Variants in NRG3 observed in about 807,000 individuals in gnomAD.
NRG3 encodes pro-neuregulin-3, membrane-bound isoform.
In NRG3, 31 loss-of-function variants were observed where a neutral mutation model predicts 66.9. The ratio of observed to expected loss-of-function variants is 0.46; its 90% CI spans 0.35 to 0.63. The LOEUF is 0.63. Ranked by LOEUF, NRG3 falls within the 20% of genes least tolerant of loss-of-function variation. The pLI is 0.00. For synonymous variants in NRG3, 393 were observed against 359.4 expected, an observed-to-expected ratio of 1.09 and a Z score of -1.06; for missense variants, 910 against 878.9, an observed-to-expected ratio of 1.04 and a Z score of -0.45.
At chr10:82,020,159 A>G (rs904148452) in intron 1 of NRG3, among the ~76,000 whole-genome samples, 1 of 152,168 alleles carries the variant, frequency 6.6e-6, no homozygotes, top group Admixed American at 6.6e-5. Context: ...CCAGGTTTAT[A>G]GGAAAAAGTT....
intron 2 of NRG3, among the ~76,000 whole-genome samples, chr10:82,552,612 T>C (rs889474198): frequency 3.3e-5 from 5 of 152,152 alleles, no homozygotes; most frequent in African/African-American, 9.7e-5. Flanking sequence ...AAAGTTCTCT[T>C]AGCTAGATGA....
chr10:82,098,346 AT>A (rs1294086876), intron 1 of NRG3, among the ~76,000 whole-genome samples: 3 of 151,792 alleles, frequency 2.0e-5, no homozygotes, highest in African/African-American at 7.3e-5. Context: ...ATATATATAG[AT>A]GACATCTATA....
At chr10:82,388,191 A>C (rs932305015) in intron 2 of NRG3, among the ~76,000 whole-genome samples, 3 of 150,756 alleles carry the variant, frequency 2.0e-5, no homozygotes, top group Non-Finnish European at 4.4e-5. Context: ...TCATTAAAAA[A>C]CATTATGGGA....
intron 1 of NRG3, among the ~76,000 whole-genome samples, chr10:81,902,674 C>A (rs761340934): frequency 6.6e-6 from 1 of 152,128 alleles, no homozygotes; most frequent in Non-Finnish European, 1.5e-5. Flanking sequence ...TTTGTTATAG[C>A]ATCCTGCACT....
At chr10:82,487,089 T>G (rs1466161686) in intron 2 of NRG3, among the ~76,000 whole-genome samples, 1 of 148,462 alleles carries the variant, frequency 6.7e-6, no homozygotes, top group Non-Finnish European at 1.5e-5. Flanking sequence ...TAATACACTA[T>G]ATATATCTAT....
chr10:82,314,461 T>A (rs866499089), intron 1 of NRG3, among the ~76,000 whole-genome samples: 132 of 149,692 alleles, frequency 8.8e-4, no homozygotes, highest in Middle Eastern at 6.9e-3. Flanking sequence ...ATTTAAAATT[T>A]AAAAAAAAAA....
At chr10:82,248,599 G>A (rs1329759803) in intron 1 of NRG3, among the ~76,000 whole-genome samples, 5 of 152,072 alleles carry the variant, frequency 3.3e-5, no homozygotes, top group Non-Finnish European at 7.4e-5. Flanking sequence ...TGAATGGGAG[G>A]GGTCAATATG....
At chr10:81,971,210 C>T (rs1421264963) in intron 1 of NRG3, among the ~76,000 whole-genome samples, 1 of 152,200 alleles carries the variant, frequency 6.6e-6, no homozygotes, top group Non-Finnish European at 1.5e-5. Flanking sequence ...GCTTAAGCTT[C>T]ATGCGCTTCT....
chr10:82,716,504 C>T (rs757389446), intron 2 of NRG3, among the ~76,000 whole-genome samples: 1 of 152,162 alleles, frequency 6.6e-6, no homozygotes, highest in Non-Finnish European at 1.5e-5. Flanking sequence ...CACATTTCTA[C>T]ATGGCAGGTG....
chr10:82,682,432 G>GATAGATAGAT (rs1307148671), intron 2 of NRG3, among the ~76,000 whole-genome samples: 364 of 149,842 alleles, frequency 2.4e-3, no homozygotes, highest in African/African-American at 8.4e-3. Context: ...TAGATAGATA[G>GATAGATAGAT]ATAGATAATA....
At chr10:82,765,502 G>A (rs1260717221) in intron 3 of NRG3, among the ~76,000 whole-genome samples, 3 of 151,974 alleles carry the variant, frequency 2.0e-5, no homozygotes, top group African/African-American at 7.2e-5. Flanking sequence ...CAAACTAAAG[G>A]ATGCTAATTA....
intron 2 of NRG3, among the ~76,000 whole-genome samples, chr10:82,641,338 AC>A (rs1465705842): frequency 6.6e-6 from 1 of 152,140 alleles, no homozygotes; most frequent in Non-Finnish European, 1.5e-5. Context: ...TATTTCTTTC[AC>A]AAAGTGTCTT....
intron 1 of NRG3, among the ~76,000 whole-genome samples, chr10:82,056,100 C>T (rs1046756416): frequency 9.2e-5 from 14 of 152,040 alleles, no homozygotes; most frequent in African/African-American, 3.4e-4. Context: ...AAAATTTTGT[C>T]CCATCATAGT....
intron 1 of NRG3, among the ~76,000 whole-genome samples, chr10:82,022,441 T>G (rs781219471): frequency 1.3e-5 from 2 of 152,128 alleles, no homozygotes; most frequent in Non-Finnish European, 2.9e-5. Context: ...TTCTCTCTGC[T>G]CATCCAAAAA....
chr10:82,881,144 A>G (rs538224476), intron 4 of NRG3, among the ~76,000 whole-genome samples: 7 of 152,362 alleles, frequency 4.6e-5, no homozygotes, highest in Non-Finnish European at 1.0e-4. Flanking sequence ...TTAACAAGGC[A>G]AACACAACCT....
chr10:82,007,232 C>CA (rs1736404931), intron 1 of NRG3, among the ~76,000 whole-genome samples: 1 of 122,516 alleles, frequency 8.2e-6, no homozygotes, highest in Non-Finnish European at 1.6e-5. Context: ...TTTTTTGAGA[C>CA]AGAGTCTTGC....
At chr10:81,942,119 A>G (rs537507900) in intron 1 of NRG3, among the ~76,000 whole-genome samples, 3 of 152,256 alleles carry the variant, frequency 2.0e-5, no homozygotes, top group Non-Finnish European at 2.9e-5. Flanking sequence ...TCTTTGAGCA[A>G]ATGAATAATT....
Position 82,950,256 on chromosome 10 carries a change from A to G in NRG3, c.1055-1213A>G, listed in dbSNP as rs149674524. Among the ~76,000 whole-genome samples, 195 of 152,310 alleles carry G rather than the reference A, an allele frequency of 1.3e-3. No homozygotes were observed. The South Asian group carries it at 0.013, about 10-fold the overall frequency. ...TTAATTTTGTATATTTTTAGAATAT[A>G]TATGTGTTAAATAGTGGGAAATTTC... On this transcript the variant is annotated intron_variant, in intron 4 of 8. Transcript: ENST00000372141.
chr10:82,860,205 C>T (rs1029769698), intron 3 of NRG3, among the ~76,000 whole-genome samples: 24 of 152,166 alleles, frequency 1.6e-4, no homozygotes, highest in African/African-American at 5.8e-4. Flanking sequence ...TCCTCGGAGA[C>T]AGATAACAGT....
Sources: allele counts gnomAD v4.1 joint callset (sites outside exome capture counted in the v4.1 genomes callset), GRCh38; gene constraint gnomAD v4.1.1; transcripts MANE v1.5; gene names NCBI Gene and HGNC (gene_info 2026-07-23, HGNC 2026-07-21).